SARNP: variants seen among roughly 807,000 people sequenced by gnomAD.
The protein encoded by SARNP is SAP domain containing ribonucleoprotein.
Under a neutral mutation model 38.1 loss-of-function variants are expected in SARNP, and 5 were observed. That is an observed-to-expected ratio of 0.13 (90% CI 0.07 to 0.28). SARNP has a LOEUF of 0.28. SARNP is among the 10% of genes least tolerant of loss of function. The pLI, the probability that SARNP is intolerant of heterozygous loss-of-function variation, is 1.00. For missense variants in SARNP, 180 were observed against 243.9 expected, an observed-to-expected ratio of 0.74 and a Z score of 1.75; for synonymous variants, 84 against 80.6, an observed-to-expected ratio of 1.04 and a Z score of -0.23.
chr12:55,792,731 C>T (rs2136196206), intron 7 of SARNP: 1 of 152,040 alleles, frequency 6.6e-6, no homozygotes. Context: ...GTCACCCAGG[C>T]TAGAGTGTCA....
At chr12:55,790,450 A>G in intron 8 of SARNP, 117 bp downstream of exon 8, 3 of 1,153,392 alleles carry the variant, frequency 2.6e-6, no homozygotes, top group Admixed American at 3.1e-5. Context: ...TTGTACTGAA[A>G]AGAGTCAACA....
intron 1 of SARNP, among the ~76,000 whole-genome samples, chr12:55,805,575 G>A (rs1302266787): frequency 6.6e-6 from 1 of 151,828 alleles, no homozygotes; most frequent in Non-Finnish European, 1.5e-5. Flanking sequence ...GACCAGGTGC[G>A]GTGGCTCACG....
intron 9 of SARNP, among the ~76,000 whole-genome samples, chr12:55,776,694 G>C (rs1879192890): frequency 6.6e-6 from 1 of 152,254 alleles, no homozygotes; most frequent in Middle Eastern, 3.4e-3. Flanking sequence ...AGTGTGGATA[G>C]ATATTGCTTC....
rs527474308 is a variant in SARNP, at chr12:55,774,878, T to C, written c.501+14197A>G. On this transcript the variant is annotated intron_variant, in intron 9 of 10. Coordinates refer to ENST00000336133, the MANE Select transcript of SARNP (RefSeq NM_033082.4). ...ATACAACACCCTGAAAACACATTTCTATTTGTTTTTTTTTTTTTTTTTTTG... is the reference window on the plus strand; with the variant it reads ...ATACAACACCCTGAAAACACATTTCCATTTGTTTTTTTTTTTTTTTTTTTG... 4.2e-3 allele frequency among the ~76,000 whole-genome samples: 616 copies of C among 147,786 alleles called. 3 individuals carry two copies. The highest frequency in any genetic ancestry group is 4.0e-3 in the Non-Finnish European group (274 of 67,676).
chr12:55,807,007 G>A (rs1168944215), intron 1 of SARNP, among the ~76,000 whole-genome samples: 1 of 152,018 alleles, frequency 6.6e-6, no homozygotes, highest in Non-Finnish European at 1.5e-5. Context: ...TGCCCGGGCT[G>A]AACTTAAACT....
At chr12:55,785,235 G>A (rs894791380) in intron 9 of SARNP, among the ~76,000 whole-genome samples, 2 of 152,100 alleles carry the variant, frequency 1.3e-5, no homozygotes, top group Admixed American at 6.5e-5. Flanking sequence ...TGTTATTAGA[G>A]AAGGAAGCTC....
At chr12:55,784,379 C>T (rs1879428319) in intron 9 of SARNP, among the ~76,000 whole-genome samples, 1 of 152,254 alleles carries the variant, frequency 6.6e-6, no homozygotes, top group South Asian at 2.1e-4. Context: ...TACGTAGCAA[C>T]TCATTCTAGT....
rs185959719 is a variant in SARNP at position 55,790,164 on chromosome 12, T to C, written c.432+403A>G. Among the ~76,000 whole-genome samples the C allele has an allele frequency of 4.7e-5, 7 of 148,492 alleles. No individual in the cohort carries two copies. The East Asian group carries it at 5.9e-4, about 12-fold the overall frequency. On this transcript the variant is annotated intron_variant, in intron 8 of 10. Transcript: ENST00000336133. The stretch of plus-strand genomic sequence containing the variant: ...TTACTCTGATTTCACATTTCACGGA[T>C]AGTATTTTAAAAAAAAAAAAAAAAG...
intron 8 of SARNP, among the ~76,000 whole-genome samples, chr12:55,789,765 G>A (rs1879607612): frequency 6.6e-6 from 1 of 151,902 alleles, no homozygotes; most frequent in South Asian, 2.1e-4. Flanking sequence ...CCAACATGGT[G>A]AAACCCCGTC....
chr12:55,770,669 A>C (rs7296036), intron 9 of SARNP, among the ~76,000 whole-genome samples: 1 of 152,184 alleles, frequency 6.6e-6, no homozygotes, highest in African/African-American at 2.4e-5. Flanking sequence ...GATATTTTCT[A>C]AAGTGTCTGT....
At chr12:55,783,275 G>C (rs538372318) in intron 9 of SARNP, among the ~76,000 whole-genome samples, 1 of 139,902 alleles carries the variant, frequency 7.1e-6, no homozygotes, top group East Asian at 2.4e-4. Flanking sequence ...AGCAAACCAG[G>C]TAGATGTTAT....
At chr12:55,772,125 T>C (rs1206364910) in intron 9 of SARNP, among the ~76,000 whole-genome samples, 2 of 152,112 alleles carry the variant, frequency 1.3e-5, no homozygotes, top group Non-Finnish European at 2.9e-5. Flanking sequence ...GCACAGAGCT[T>C]AAGTAGATGA....
downstream of SARNP, chr12:55,753,422 G>A (rs1363931788): frequency 6.6e-6 from 1 of 152,132 alleles, no homozygotes; most frequent in Non-Finnish European, 1.5e-5. Context: ...CAATTCCCCA[G>A]GAATATGAGT....
intron 2 of SARNP, 39 bp downstream of exon 2, chr12:55,803,590 C>G (rs1213676209): frequency 6.5e-6 from 8 of 1,237,498 alleles, no homozygotes; most frequent in Non-Finnish European, 8.0e-6. Context: ...GCCTGAAAAT[C>G]CCCTCACTCA....
At chr12:55,786,609 C>G (rs1396733831) in intron 9 of SARNP, among the ~76,000 whole-genome samples, 2 of 152,182 alleles carry the variant, frequency 1.3e-5, no homozygotes, top group African/African-American at 4.8e-5. Context: ...GCCACCGCGC[C>G]TGGCTAATTT....
intron 2 of SARNP, among the ~76,000 whole-genome samples, chr12:55,802,198 T>C (rs1177257012): frequency 6.6e-6 from 1 of 152,134 alleles, no homozygotes; most frequent in Non-Finnish European, 1.5e-5. Flanking sequence ...ACAGAGCAAT[T>C]CTGGAAAATA....
chr12:55,800,684 C>A, intron 3 of SARNP, 55 bp from the exon 4 acceptor site: 3 of 1,450,414 alleles, frequency 2.1e-6, no homozygotes, highest in Non-Finnish European at 2.9e-6. Context: ...AAATATCTAT[C>A]AAAAGAAGAA....
chr12:55,793,939 T>C (rs1039075864), intron 7 of SARNP: 2 of 186,978 alleles, frequency 1.1e-5, no homozygotes, highest in Non-Finnish European at 1.1e-5. Context: ...GCTAAGTCTT[T>C]ATGCACATTC....
chr12:55,768,756 T>A (rs762120968), intron 9 of SARNP, among the ~76,000 whole-genome samples: 1 of 148,418 alleles, frequency 6.7e-6, no homozygotes, highest in African/African-American at 2.5e-5. Flanking sequence ...CAAAGTCTCA[T>A]TCTGTTGCCC....
Sources: gnomAD v4.1 joint callset for allele counts (sites outside exome capture counted in the v4.1 genomes callset) on GRCh38, gnomAD v4.1.1 for gene constraint, MANE v1.5 for transcripts, NCBI Gene and HGNC (gene_info 2026-07-23, HGNC 2026-07-21) for gene names.